Variants in HK2 observed in about 807,000 individuals in gnomAD.
HK2 encodes hexokinase-2.
In HK2, 42 loss-of-function variants were observed where a neutral mutation model predicts 92.9. The ratio of observed to expected loss-of-function variants is 0.45; its 90% CI spans 0.35 to 0.58. The LOEUF (loss-of-function observed/expected upper bound fraction) is 0.58. Among genes scored for constraint, HK2 ranks in the 20% least tolerant of loss-of-function variants. The pLI, the probability that HK2 is intolerant of heterozygous loss-of-function variation, is 0.00. For synonymous variants in HK2, 422 were observed against 468.0 expected, an observed-to-expected ratio of 0.90 and a Z score of 1.27; for missense variants, 978 against 1,245.1, an observed-to-expected ratio of 0.79 and a Z score of 3.23.
At chr2:74,836,883 C>T (rs139790098) in intron 1 of HK2, among the ~76,000 whole-genome samples, 1 of 152,292 alleles carries the variant, frequency 6.6e-6, no homozygotes, top group East Asian at 1.9e-4. Flanking sequence ...CTGAAATCCC[C>T]TTGTGATAAG....
intron 12 of HK2, among the ~76,000 whole-genome samples, chr2:74,883,977 T>G (rs1437986879): frequency 2.0e-5 from 3 of 152,168 alleles, no homozygotes; most frequent in Non-Finnish European, 2.9e-5. Flanking sequence ...AATGGTAATC[T>G]CTTTATAAAA....
chr2:74,843,831 CCTCTT>C (rs1482266304), intron 1 of HK2, among the ~76,000 whole-genome samples: 1 of 152,216 alleles, frequency 6.6e-6, no homozygotes, highest in Non-Finnish European at 1.5e-5. Context: ...TGAGGGACTT[CCTCTT>C]CCTGCTTCCT....
At position 74,878,457 on chromosome 2, in the gene HK2, G is replaced by A. The variant is rs79929929; in HGVS notation, c.1032-231G>A. Reference sequence around the variant, plus strand: ...TGTGTGTGCGCACGCACATGCGTGTGCGTGTGTGTGTGGTGTCTGGGAGAG... The same window carrying A: ...TGTGTGTGCGCACGCACATGCGTGTACGTGTGTGTGTGGTGTCTGGGAGAG... On this transcript the variant is annotated intron_variant, in intron 8 of 17. Transcript: ENST00000290573. Among the ~76,000 whole-genome samples the A allele has an allele frequency of 4.6e-4, 70 of 151,432 alleles. No individual in the cohort carries two copies. In the East Asian group the frequency reaches 0.013, roughly 28 times the overall value.
chr2:74,867,928 C>T, intron 3 of HK2, 144 bp downstream of exon 3: 1 of 918,126 alleles, frequency 1.1e-6, no homozygotes, highest in Admixed American at 1.7e-5. Context: ...TAAGGGCTCC[C>T]TCTCAGCCGG....
At chr2:74,890,769 T>G (rs780076879) in intron 17 of HK2, 28 bp from the exon 18 acceptor site, 1 of 1,614,078 alleles carries the variant, frequency 6.2e-7, no homozygotes, top group South Asian at 1.1e-5. Flanking sequence ...AGATGGTTTT[T>G]CCTGTGTCTT....
At chr2:74,850,375 C>T (rs1688536901) in intron 1 of HK2, among the ~76,000 whole-genome samples, 1 of 152,188 alleles carries the variant, frequency 6.6e-6, no homozygotes, top group African/African-American at 2.4e-5. Flanking sequence ...CTCTTTGAAA[C>T]AAGTAGAGCT....
At chr2:74,886,710 A>G in intron 15 of HK2, 37 bp downstream of exon 15, 1 of 1,603,552 alleles carries the variant, frequency 6.2e-7, no homozygotes. Flanking sequence ...AGTGTATCCC[A>G]GGACTGGATG....
At chr2:74,865,678 C>T (rs1213096104) in intron 2 of HK2, among the ~76,000 whole-genome samples, 1 of 152,076 alleles carries the variant, frequency 6.6e-6, no homozygotes, top group Non-Finnish European at 1.5e-5. Flanking sequence ...GTGGGGCCAC[C>T]TCTAGTCACT....
chr2:74,888,924 A>G (rs1208274354), intron 16 of HK2, among the ~76,000 whole-genome samples: 4 of 152,192 alleles, frequency 2.6e-5, no homozygotes, highest in Non-Finnish European at 5.9e-5. Context: ...TGGACATGAA[A>G]GAGCTTTGTA....
chr2:74,837,481 G>A (rs540700297), intron 1 of HK2, among the ~76,000 whole-genome samples: 12 of 152,238 alleles, frequency 7.9e-5, no homozygotes, highest in African/African-American at 2.4e-4. Context: ...CTGTCAACTG[G>A]TCTCTTGGTT....
chr2:74,869,784 TC>T (rs1222007443), intron 3 of HK2, among the ~76,000 whole-genome samples: 1 of 152,098 alleles, frequency 6.6e-6, no homozygotes, highest in Admixed American at 6.5e-5. Flanking sequence ...GAGATTGTCT[TC>T]CAATTCAAGG....
chr2:74,885,260 G>A (rs564393856), intron 12 of HK2, among the ~76,000 whole-genome samples: 32 of 152,284 alleles, frequency 2.1e-4, no homozygotes, highest in African/African-American at 6.7e-4. Flanking sequence ...GTGCTGTGAG[G>A]GTTAAATAAT....
chr2:74,845,105 C>T (rs976715191), intron 1 of HK2, among the ~76,000 whole-genome samples: 12 of 152,170 alleles, frequency 7.9e-5, no homozygotes, highest in East Asian at 1.9e-4. Flanking sequence ...GACAAACACT[C>T]CTCAGATTCA....
intron 1 of HK2, among the ~76,000 whole-genome samples, chr2:74,848,814 A>C (rs996936293): frequency 6.6e-6 from 1 of 152,338 alleles, no homozygotes; most frequent in East Asian, 1.9e-4. Context: ...CAGTGGCACC[A>C]GTCTTTCAGT....
At chr2:74,839,338 G>A (rs755934860) in intron 1 of HK2, among the ~76,000 whole-genome samples, 9 of 152,152 alleles carry the variant, frequency 5.9e-5, no homozygotes, top group African/African-American at 1.4e-4. Flanking sequence ...CCATTAGTCC[G>A]CACGTATGGG....
At chr2:74,877,947 T>C (rs1225396705) in intron 8 of HK2, among the ~76,000 whole-genome samples, 1 of 152,086 alleles carries the variant, frequency 6.6e-6, no homozygotes, top group African/African-American at 2.4e-5. Flanking sequence ...AGGGACCAGA[T>C]GGTGGAGAGG....
intron 1 of HK2, among the ~76,000 whole-genome samples, chr2:74,853,406 A>G (rs181297792): frequency 4.6e-5 from 7 of 152,024 alleles, no homozygotes; most frequent in African/African-American, 1.4e-4. Flanking sequence ...AATCCCAGCT[A>G]CTCGGGAGGC....
chr2:74,877,717 TGCTTCATAATAGAAAGCTAG>T (rs1689269093), intron 8 of HK2, among the ~76,000 whole-genome samples: 3 of 152,258 alleles, frequency 2.0e-5, no homozygotes, highest in Admixed American at 2.0e-4. Flanking sequence ...TCATGACCCC[TGCTTCATAATAGAAAGCTAG>T]GTCTTTGAAT....
At chr2:74,836,627 A>G (rs899129007) in intron 1 of HK2, among the ~76,000 whole-genome samples, 6 of 152,164 alleles carry the variant, frequency 3.9e-5, no homozygotes, top group Non-Finnish European at 8.8e-5. Flanking sequence ...TATTTCCTCT[A>G]AACTACCAAT....
Sources: allele counts gnomAD v4.1 joint callset (sites outside exome capture counted in the v4.1 genomes callset), GRCh38; gene constraint gnomAD v4.1.1; transcripts MANE v1.5; gene names NCBI Gene and HGNC (gene_info 2026-07-23, HGNC 2026-07-21).